The following EPHA6 variants were observed in gnomAD, a reference collection of about 807,000 sequenced individuals.
The protein encoded by EPHA6 is ephrin type-A receptor 6.
Under a neutral mutation model 112.0 loss-of-function variants are expected in EPHA6, and 50 were observed. The observed-to-expected ratio is 0.45, with a 90% CI of 0.36 to 0.56. The LOEUF (loss-of-function observed/expected upper bound fraction) is 0.56, where lower values mean the gene tolerates loss of function less well. Ranked by LOEUF, EPHA6 falls within the 20% of genes least tolerant of loss-of-function variation. The pLI, the probability that EPHA6 is intolerant of heterozygous loss-of-function variation, is 0.00. For missense variants in EPHA6, 1,280 were observed against 1,417.4 expected, an observed-to-expected ratio of 0.90 and a Z score of 1.56; for synonymous variants, 529 against 490.7, an observed-to-expected ratio of 1.08 and a Z score of -1.03.
intron 2 of EPHA6, among the ~76,000 whole-genome samples, chr3:96,954,457 G>A (rs954155409): frequency 7.2e-5 from 11 of 152,166 alleles, no homozygotes; most frequent in African/African-American, 2.6e-4. Flanking sequence ...AGCTGTGCTT[G>A]CTCCCAAGTT....
In EPHA6 at chr3:97,648,418, A is replaced by G. The variant is rs574381414; in HGVS notation, c.2784+10336A>G. Reference sequence around the variant, plus strand: ...TAATTATAAAAAATAATGAAGCAGCATGAGGGGAAGGTATTTAATGTGTAT... The same window carrying G: ...TAATTATAAAAAATAATGAAGCAGCGTGAGGGGAAGGTATTTAATGTGTAT... On this transcript the variant is annotated intron_variant, in intron 14 of 17. Transcript: ENST00000389672. 61 of 1,497,524 alleles carry G rather than the reference A, an allele frequency of 4.1e-5. No individual in the cohort carries two copies. The African/African-American group carries it at 7.3e-4, about 18-fold the overall frequency. The allele number at this position is 1,497,524 out of a possible 1,614,324, so 92.8% of individuals were successfully genotyped here. A position where few individuals can be genotyped will look rare whatever the true frequency, so the allele number is the denominator to read the frequency against.
intron 3 of EPHA6, among the ~76,000 whole-genome samples, chr3:97,047,021 A>G (rs563617171): frequency 2.8e-4 from 42 of 152,186 alleles, no homozygotes; most frequent in African/African-American, 8.4e-4. Flanking sequence ...CCCTATCATC[A>G]TAGATAGTAT....
chr3:97,048,293 G>A (rs560900113), intron 3 of EPHA6, among the ~76,000 whole-genome samples: 1 of 152,288 alleles, frequency 6.6e-6, no homozygotes, highest in South Asian at 2.1e-4. Flanking sequence ...TGTTGGAAGG[G>A]TAGGGTTTAG....
rs539101708 is a variant in EPHA6, at chr3:97,003,503, C to T, written c.1114+15510C>T. On this transcript the variant is annotated intron_variant, in intron 3 of 17. Transcript: ENST00000389672. ...AGATCTATTTGGGGAAAAGAGAATT[C>T]CCACAGAGTTTCTTGTTGCTTTAAA... Among the ~76,000 whole-genome samples the T allele has an allele frequency of 5.3e-5, 8 of 152,112 alleles. No individual in the cohort carries two copies. The East Asian group carries it at 1.2e-3, about 22-fold the overall frequency.
chr3:97,150,134 C>T (rs2076136831), intron 3 of EPHA6, among the ~76,000 whole-genome samples: 1 of 151,540 alleles, frequency 6.6e-6, no homozygotes, highest in South Asian at 2.1e-4. Flanking sequence ...TGTAATATAA[C>T]AAAAAAATCC....
intron 10 of EPHA6, among the ~76,000 whole-genome samples, chr3:97,505,132 A>C (rs1332288607): frequency 6.6e-6 from 1 of 152,166 alleles, no homozygotes; most frequent in Non-Finnish European, 1.5e-5. Context: ...AGACTTGCTA[A>C]ATCAGTGACT....
intron 2 of EPHA6, among the ~76,000 whole-genome samples, chr3:96,885,475 A>G (rs6781881): frequency 0.029 from 4,450 of 152,136 alleles, 213 homozygotes; most frequent in African/African-American, 0.1. Flanking sequence ...TTTTCCAGGA[A>G]TTTATCCATC....
intron 11 of EPHA6, among the ~76,000 whole-genome samples, 198 bp downstream of exon 11, chr3:97,532,741 T>A (rs1263009390): frequency 6.6e-6 from 1 of 152,048 alleles, no homozygotes; most frequent in Non-Finnish European, 1.5e-5. Flanking sequence ...TTTGACATGG[T>A]ATTACCTGCA....
In EPHA6 at chr3:97,645,632, T is replaced by A. The variant is rs541236796; in HGVS notation, c.2784+7550T>A. ...TATACATATGTAACTAACCTGCACG[T>A]TGTGCACATGTACCCTAAAACTTAA... On this transcript the variant is annotated intron_variant, in intron 14 of 17. Coordinates refer to ENST00000389672, the MANE Select transcript of EPHA6 (RefSeq NM_001080448.3). Among the ~76,000 whole-genome samples, 510 of 149,230 alleles carry A rather than the reference T, an allele frequency of 3.4e-3. 3 individuals carry two copies. The highest frequency in any genetic ancestry group is 5.7e-3 in the Non-Finnish European group (378 of 66,254).
At chr3:96,949,299 A>G (rs2041426270) in intron 2 of EPHA6, among the ~76,000 whole-genome samples, 1 of 152,174 alleles carries the variant, frequency 6.6e-6, no homozygotes. Context: ...TATTAGTAGC[A>G]AAAGGTGTGC....
chr3:97,608,525 G>A (rs1262893431), intron 12 of EPHA6, among the ~76,000 whole-genome samples: 3 of 151,284 alleles, frequency 2.0e-5, no homozygotes, highest in African/African-American at 7.3e-5. Flanking sequence ...ATAAAAACAG[G>A]CACAACATTT....
chr3:97,675,269 A>G (rs570295228), intron 14 of EPHA6, among the ~76,000 whole-genome samples: 2 of 152,206 alleles, frequency 1.3e-5, no homozygotes, highest in African/African-American at 4.8e-5. Context: ...ACTTAAGGTC[A>G]GGAGCTCAAA....
In EPHA6 at chr3:96,900,065, A is replaced by G. The variant is rs900298345; in HGVS notation, c.450+33176A>G. Among the ~76,000 whole-genome samples, 3 of 152,198 alleles carry G rather than the reference A, an allele frequency of 2.0e-5. No individual in the cohort carries two copies. In the East Asian group the frequency reaches 5.8e-4, roughly 29 times the overall value. On this transcript the variant is annotated intron_variant, in intron 2 of 17. Coordinates refer to ENST00000389672, the MANE Select transcript of EPHA6 (RefSeq NM_001080448.3). ...GTATTACACAGGCCGTTTCCTTTTA[A>G]GGTTGAAATGGGAATTATTATTAAT... is the stretch of plus-strand genomic sequence containing the variant.
chr3:97,061,726 C>T (rs192396459), intron 3 of EPHA6, among the ~76,000 whole-genome samples: 2 of 152,078 alleles, frequency 1.3e-5, no homozygotes, highest in Admixed American at 1.3e-4. Context: ...TGTAAGAAGC[C>T]AAGATAAGGC....
chr3:97,550,290 G>A (rs951540259), intron 11 of EPHA6, among the ~76,000 whole-genome samples: 1 of 152,216 alleles, frequency 6.6e-6, no homozygotes, highest in Non-Finnish European at 1.5e-5. Flanking sequence ...AAGAATATGT[G>A]GATGACCCAG....
At chr3:96,829,949 G>GCGCGCGCGCGCGCGCGCACACACA (rs373416797) in intron 1 of EPHA6, among the ~76,000 whole-genome samples, 4 of 136,034 alleles carry the variant, frequency 2.9e-5, no homozygotes, top group African/African-American at 1.2e-4. Context: ...GCGCGCGCGC[G>GCGCGCGCGCGCGCGCGCACACACA]CACACACACA....
chr3:96,825,863 G>T (rs1024054748), intron 1 of EPHA6, among the ~76,000 whole-genome samples: 10 of 151,578 alleles, frequency 6.6e-5, no homozygotes, highest in African/African-American at 2.4e-4. Context: ...CCATATATGT[G>T]ATATAGCCTT....
At chr3:97,129,146 C>T (rs2048265535) in intron 3 of EPHA6, among the ~76,000 whole-genome samples, 1 of 151,932 alleles carries the variant, frequency 6.6e-6, no homozygotes, top group African/African-American at 2.4e-5. Context: ...AGTGAGCCAC[C>T]GTACTCATTA....
chr3:97,522,061 C>A (rs2092552476), intron 10 of EPHA6, among the ~76,000 whole-genome samples: 1 of 151,644 alleles, frequency 6.6e-6, no homozygotes, highest in South Asian at 2.1e-4. Flanking sequence ...GTAGCTGGGA[C>A]TACCTTTGCC....
Sources: gnomAD v4.1 joint callset for allele counts (sites outside exome capture counted in the v4.1 genomes callset) on GRCh38, gnomAD v4.1.1 for gene constraint, MANE v1.5 for transcripts, NCBI Gene and HGNC (gene_info 2026-07-23, HGNC 2026-07-21) for gene names.